Variants in TIMM17A observed in about 807,000 individuals in gnomAD.
The protein encoded by TIMM17A is mitochondrial import inner membrane translocase subunit Tim17-A.
In TIMM17A, 15 loss-of-function variants were observed where a neutral mutation model predicts 26.5. That is an observed-to-expected ratio of 0.57 (90% CI 0.38 to 0.87). The LOEUF is 0.87. Among genes scored for constraint, TIMM17A ranks in the 40% least tolerant of loss-of-function variants. The probability of loss-of-function intolerance (pLI) is 0.00; values close to 1 mark genes in which losing one functional copy is unlikely to be tolerated. For synonymous variants in TIMM17A, 80 were observed against 70.8 expected (o/e 1.13, Z -0.66); for missense variants, 201 against 210.0 (o/e 0.96, Z 0.27).
intron 3 of TIMM17A, among the ~76,000 whole-genome samples, chr1:201,959,548 G>A (rs1199949230): frequency 3.3e-5 from 5 of 151,956 alleles, no homozygotes; most frequent in Non-Finnish European, 5.9e-5. Flanking sequence ...CAGCTACTCA[G>A]GAGGCTGAGG....
intron 5 of TIMM17A, among the ~76,000 whole-genome samples, chr1:201,966,570 C>T (rs941161148): frequency 1.1e-4 from 17 of 151,914 alleles, no homozygotes; most frequent in Non-Finnish European, 1.6e-4. Context: ...TGGCCGGGCA[C>T]GGTGGCTCAC....
intron 5 of TIMM17A, among the ~76,000 whole-genome samples, chr1:201,966,841 CAA>C (rs34687832): frequency 2.4e-4 from 35 of 144,178 alleles, no homozygotes; most frequent in African/African-American, 8.4e-4. Context: ...GACTCCATCT[CAA>C]AAAATATATA....
Position 201,965,544 on chromosome 1 carries a change from G to A in TIMM17A, c.430+1G>A. The A allele has an allele frequency of 6.3e-7, 1 of 1,590,064 alleles. No individual in the cohort carries two copies. Among genetic ancestry groups the A allele is most frequent in the Non-Finnish European group, 8.6e-7 (1 of 1,158,002 alleles). ...TTTGCCTCTGCACAGTTTCCCAATG[G>A]TGAGTCTTTTTGCTTAAAACTATAG... On this transcript the variant is annotated splice_donor_variant, in intron 5 of 5. Transcript: ENST00000367287. LOFTEE classifies it high-confidence loss of function.
At chr1:201,966,267 C>T (rs150635934) in intron 5 of TIMM17A, among the ~76,000 whole-genome samples, 156 of 152,248 alleles carry the variant, frequency 1.0e-3, no homozygotes, top group African/African-American at 3.5e-3. Flanking sequence ...ACTCAGGAGG[C>T]ACGAGAATCA....
intron 4 of TIMM17A, among the ~76,000 whole-genome samples, chr1:201,964,838 C>T (rs1160479431): frequency 6.7e-6 from 1 of 149,796 alleles, no homozygotes; most frequent in African/African-American, 2.5e-5. Context: ...TTAGTGGAGA[C>T]GGGGTTTTAC....
Position 201,957,308 on chromosome 1 carries a change from T to C in TIMM17A, c.54T>C (p.Gly18=), listed in dbSNP as rs1458523624. The stretch of plus-strand genomic sequence containing the variant: ...CATGGCGAATTGTGGATGACTGTGG[T>C]GGGGCCTTTACGATGGGTACCATTG... ...PCPWRIVDDC[G]GAFTMGTIGG... The change falls in exon 2 of 6, where the codon GGT becomes GGC. Residue 18 remains glycine, a synonymous_variant. Coordinates refer to ENST00000367287, the MANE Select transcript of TIMM17A (RefSeq NM_006335.3). The C allele has an allele frequency of 6.2e-7, 1 of 1,613,656 alleles. No homozygotes were observed. Among genetic ancestry groups the C allele is most frequent in the East Asian group, 2.2e-5 (1 of 44,880 alleles).
At chr1:201,960,273 A>G (rs1682501312) in intron 3 of TIMM17A, among the ~76,000 whole-genome samples, 1 of 151,866 alleles carries the variant, frequency 6.6e-6, no homozygotes, top group Non-Finnish European at 1.5e-5. Flanking sequence ...GGTGGCAGGC[A>G]CCTGTAATCC....
At chr1:201,955,631 G>A (rs1341545048) in intron 1 of TIMM17A, 79 bp downstream of exon 1, 2 of 1,596,508 alleles carry the variant, frequency 1.3e-6, no homozygotes, top group Admixed American at 1.7e-5. Flanking sequence ...GGCTCCCAAG[G>A]TGCAAGCCAG....
intron 5 of TIMM17A, among the ~76,000 whole-genome samples, chr1:201,965,823 TG>T (rs1045880325): frequency 1.3e-5 from 2 of 152,370 alleles, no homozygotes; most frequent in Admixed American, 6.5e-5. Context: ...ACTTGAAGAA[TG>T]GTTCTGCAGA....
intron 1 of TIMM17A, 40 bp from the exon 2 acceptor site, chr1:201,957,241 T>C (rs1285198434): frequency 1.5e-6 from 2 of 1,331,874 alleles, no homozygotes; most frequent in South Asian, 2.4e-5. Flanking sequence ...TTATGGTTTG[T>C]GAATGAGAAA....
chr1:201,965,755 G>T (rs935689987), intron 5 of TIMM17A, among the ~76,000 whole-genome samples: 4 of 152,156 alleles, frequency 2.6e-5, no homozygotes, highest in African/African-American at 9.7e-5. Context: ...TTTCTTTATA[G>T]TACTTAGGGT....
rs1313054858 is a variant in TIMM17A, at chr1:201,969,501, C to A, written c.463C>A (p.Pro155Thr). 1.2e-6 allele frequency: 2 copies of A among 1,613,934 alleles called. No individual in the cohort carries two copies. Among genetic ancestry groups the A allele is most frequent in the Non-Finnish European group, 1.7e-6 (2 of 1,179,906 alleles). ...PQFAEDPSQL[P>T]STQLPSSPFG... The stretch of plus-strand genomic sequence containing the variant: ...GTTTGCAGAAGACCCCTCCCAGTTG[C>A]CTTCAACTCAGTTACCTTCCTCACC... Residue 155 changes from proline to threonine, a missense_variant, in exon 6 of 6, where the codon CCT becomes ACT. By Grantham distance (38) the Pro-to-Thr change is conservative. Coordinates refer to ENST00000367287, the MANE Select transcript of TIMM17A (RefSeq NM_006335.3).
intron 5 of TIMM17A, among the ~76,000 whole-genome samples, chr1:201,968,295 A>G: frequency 6.6e-6 from 1 of 151,934 alleles, no homozygotes; most frequent in Non-Finnish European, 1.5e-5. Flanking sequence ...GCGCCCAGCA[A>G]AAAAGTTTTT....
intron 3 of TIMM17A, chr1:201,963,317 C>G (rs377366693): frequency 8.9e-5 from 21 of 236,976 alleles, no homozygotes; most frequent in African/African-American, 4.7e-4. Flanking sequence ...CTCAGGTGAT[C>G]CACCCACTTC....
At chr1:201,963,155 A>C (rs1315826634) in intron 3 of TIMM17A, 2 of 156,614 alleles carry the variant, frequency 1.3e-5, no homozygotes, top group African/African-American at 2.4e-5. Context: ...GGCTCACTGC[A>C]ACCTCCGCCT....
At chr1:201,958,868 C>G (rs1682474287) in intron 3 of TIMM17A, among the ~76,000 whole-genome samples, 1 of 152,196 alleles carries the variant, frequency 6.6e-6, no homozygotes, top group South Asian at 2.1e-4. Context: ...ATTATTATCT[C>G]CCATTTTCCA....
At chr1:201,955,826 C>A (rs959931850) in intron 1 of TIMM17A, among the ~76,000 whole-genome samples, 1 of 152,212 alleles carries the variant, frequency 6.6e-6, no homozygotes, top group Non-Finnish European at 1.5e-5. Context: ...GATAGAACCT[C>A]GGAACCTCCT....
rs1682705621 is a variant in TIMM17A at position 201,969,992 on chromosome 1, A to G, written c.*438A>G. On this transcript the variant is annotated 3_prime_UTR_variant, in exon 6 of 6. Coordinates refer to ENST00000367287, the MANE Select transcript of TIMM17A (RefSeq NM_006335.3). The stretch of plus-strand genomic sequence containing the variant: ...GATGTTTCATGCTCATGTACTTCAA[A>G]TAATGCATGTTTTATAGTTAGTCCC... 6.4e-6 allele frequency: 1 copy of G among 156,464 alleles called. No homozygotes were observed. Among genetic ancestry groups the G allele is most frequent in the Non-Finnish European group, 1.4e-5 (1 of 70,850 alleles). 9.7% of individuals were successfully genotyped at this position (156,464 alleles called of 1,614,324 possible).
chr1:201,961,789 C>G (rs140607971), intron 3 of TIMM17A, among the ~76,000 whole-genome samples: 79 of 152,026 alleles, frequency 5.2e-4, no homozygotes, highest in African/African-American at 1.7e-3. Flanking sequence ...CTCGTATTTC[C>G]AGTTCATCCC....
Sources: allele counts gnomAD v4.1 joint callset (sites outside exome capture counted in the v4.1 genomes callset), GRCh38; gene constraint gnomAD v4.1.1; transcripts MANE v1.5; gene names NCBI Gene and HGNC (gene_info 2026-07-23, HGNC 2026-07-21).